The following PNPT1 variants were observed in gnomAD, a reference collection of about 807,000 sequenced individuals.
The protein encoded by PNPT1 is polyribonucleotide nucleotidyltransferase 1, mitochondrial.
In PNPT1, 53 loss-of-function variants were observed where a neutral mutation model predicts 119.5. The ratio of observed to expected loss-of-function variants is 0.44; its 90% CI spans 0.36 to 0.56. The LOEUF (loss-of-function observed/expected upper bound fraction) is 0.56, where lower values mean the gene tolerates loss of function less well. Ranked by LOEUF, PNPT1 falls within the 20% of genes least tolerant of loss-of-function variation. The pLI, the probability that PNPT1 is intolerant of heterozygous loss-of-function variation, is 0.00. For missense variants in PNPT1, 948 were observed against 938.5 expected (o/e 1.01, Z -0.13); for synonymous variants, 357 against 322.1 (o/e 1.11, Z -1.16).
chr2:55,684,200 T>C (rs751696238), intron 4 of PNPT1, among the ~76,000 whole-genome samples: 1 of 152,164 alleles, frequency 6.6e-6, no homozygotes. Context: ...ATACATAAAA[T>C]AGCAATTTCT....
intron 25 of PNPT1, among the ~76,000 whole-genome samples, chr2:55,641,217 C>T (rs930156294): frequency 1.2e-4 from 18 of 151,802 alleles, no homozygotes; most frequent in East Asian, 3.9e-4. Flanking sequence ...AGTGAGACTC[C>T]GTCTCAACAA....
intron 18 of PNPT1, among the ~76,000 whole-genome samples, chr2:55,649,070 C>G (rs1050920599): frequency 1.3e-5 from 2 of 152,094 alleles, no homozygotes; most frequent in East Asian, 3.8e-4. Context: ...CTATCTGTGC[C>G]AAACCCTGGA....
intron 13 of PNPT1, among the ~76,000 whole-genome samples, chr2:55,666,608 G>A (rs190405079): frequency 5.3e-4 from 81 of 152,282 alleles, no homozygotes; most frequent in Non-Finnish European, 9.4e-4. Context: ...AGGAGGCTGT[G>A]GTAGGAGGAT....
intron 26 of PNPT1, among the ~76,000 whole-genome samples, chr2:55,639,767 ACT>A (rs1695783669): frequency 6.6e-6 from 1 of 152,080 alleles, no homozygotes; most frequent in Non-Finnish European, 1.5e-5. Context: ...AAGTTTATTT[ACT>A]TTTTTGGCTT....
chr2:55,665,882 G>A (rs72930864), intron 13 of PNPT1, among the ~76,000 whole-genome samples: 3,631 of 152,314 alleles, frequency 0.024, 146 homozygotes, highest in African/African-American at 0.082. Context: ...GAATACAGAT[G>A]TAGGTAAATA....
intron 1 of PNPT1, among the ~76,000 whole-genome samples, chr2:55,693,136 T>G (rs1246419977): frequency 6.6e-6 from 1 of 152,238 alleles, no homozygotes; most frequent in Non-Finnish European, 1.5e-5. Flanking sequence ...GTCTGTGAAC[T>G]GGACCTGGTG....
intron 3 of PNPT1, among the ~76,000 whole-genome samples, chr2:55,685,439 G>A (rs893015427): frequency 1.3e-5 from 2 of 152,052 alleles, no homozygotes; most frequent in African/African-American, 4.8e-5. Flanking sequence ...GAGGTGGGAG[G>A]ATTGCTTAAG....
chr2:55,643,497 C>A, intron 23 of PNPT1, 72 bp from the exon 24 acceptor site: 3 of 1,315,830 alleles, frequency 2.3e-6, no homozygotes, highest in South Asian at 1.2e-5. Context: ...GTAATCCCAG[C>A]ACTCTGGGGG....
At chr2:55,640,294 C>CTCG (rs1465599751) in intron 26 of PNPT1, among the ~76,000 whole-genome samples, 10 of 152,186 alleles carry the variant, frequency 6.6e-5, no homozygotes, top group African/African-American at 1.7e-4. Context: ...GCTAAGACTA[C>CTCG]ATGCGCACGC....
chr2:55,689,625 T>C (rs1559115168), intron 1 of PNPT1, among the ~76,000 whole-genome samples: 1 of 152,318 alleles, frequency 6.6e-6, no homozygotes, highest in African/African-American at 2.4e-5. Context: ...TATGTTTCCA[T>C]GTAAGAAATA....
intron 27 of PNPT1, among the ~76,000 whole-genome samples, chr2:55,636,733 T>C (rs72805481): frequency 0.03 from 4,537 of 152,276 alleles, 102 homozygotes; most frequent in South Asian, 0.088. Flanking sequence ...TTGTGTTATA[T>C]ACTATAGAGG....
intron 14 of PNPT1, 44 bp from the exon 15 acceptor site, chr2:55,660,237 A>C: frequency 6.6e-7 from 1 of 1,519,240 alleles, no homozygotes; most frequent in Non-Finnish European, 8.9e-7. Flanking sequence ...TAGGGAAAAA[A>C]CATATTTATT....
chr2:55,649,329 C>T (rs1357112021), intron 18 of PNPT1, among the ~76,000 whole-genome samples: 1 of 152,132 alleles, frequency 6.6e-6, no homozygotes, highest in Non-Finnish European at 1.5e-5. Flanking sequence ...AAAATTGAAT[C>T]ACTGTCAAAA....
At chr2:55,671,115 G>C (rs1253513033) in intron 11 of PNPT1, among the ~76,000 whole-genome samples, 1 of 152,110 alleles carries the variant, frequency 6.6e-6, no homozygotes, top group East Asian at 1.9e-4. Flanking sequence ...TGAACCTTGG[G>C]TTAGAAGAAG....
chr2:55,652,386 T>C (rs1696239014), intron 18 of PNPT1, among the ~76,000 whole-genome samples: 1 of 152,246 alleles, frequency 6.6e-6, no homozygotes, highest in South Asian at 2.1e-4. Flanking sequence ...TTTTTGGCTT[T>C]AACGCTTCAA....
chr2:55,690,383 A>G (rs1173785052), intron 1 of PNPT1, among the ~76,000 whole-genome samples: 12 of 152,198 alleles, frequency 7.9e-5, no homozygotes, highest in Admixed American at 7.9e-4. Context: ...ACATGAACTC[A>G]GTTTCGGCAA....
chr2:55,649,075 C>T (rs1182214582), intron 18 of PNPT1, among the ~76,000 whole-genome samples: 2 of 152,100 alleles, frequency 1.3e-5, no homozygotes, highest in Non-Finnish European at 2.9e-5. Context: ...TGTGCCAAAC[C>T]CTGGACCTGT....
intron 8 of PNPT1, among the ~76,000 whole-genome samples, chr2:55,679,432 T>G (rs1697178606): frequency 6.6e-6 from 1 of 152,134 alleles, no homozygotes; most frequent in Non-Finnish European, 1.5e-5. Context: ...TAATTAAAAT[T>G]TAGTCTAAAA....
intron 1 of PNPT1, among the ~76,000 whole-genome samples, chr2:55,690,845 ATGT>A (rs1180177044): frequency 1.3e-5 from 2 of 152,234 alleles, no homozygotes; most frequent in Non-Finnish European, 2.9e-5. Context: ...CTGGATTAGT[ATGT>A]TGAGTAGATG....
Sources: gnomAD v4.1 joint callset for allele counts (sites outside exome capture counted in the v4.1 genomes callset) on GRCh38, gnomAD v4.1.1 for gene constraint, MANE v1.5 for transcripts, NCBI Gene and HGNC (gene_info 2026-07-23, HGNC 2026-07-21) for gene names.